Variants in SLC48A1 observed in about 807,000 individuals in gnomAD.
The protein encoded by SLC48A1 is solute carrier family 48 member 1, also known as heme transporter HRG1.
Under a neutral mutation model 14.8 loss-of-function variants are expected in SLC48A1, and 6 were observed. The ratio of observed to expected loss-of-function variants is 0.41; its 90% confidence interval spans 0.22 to 0.80. The LOEUF (loss-of-function observed/expected upper bound fraction) is 0.80. Among genes scored for constraint, SLC48A1 ranks in the 30% least tolerant of loss-of-function variants. The probability of loss-of-function intolerance (pLI) is 0.34; values close to 1 mark genes in which losing one functional copy is unlikely to be tolerated. For missense variants in SLC48A1, 165 were observed against 204.8 expected, an observed-to-expected ratio of 0.81 and a Z score of 1.19; for synonymous variants, 89 against 90.0, an observed-to-expected ratio of 0.99 and a Z score of 0.06.
chr12:47,779,147 A>G lies in SLC48A1; in HGVS notation c.256A>G (p.Ile86Val). The change falls in exon 2 of 3, where the codon ATC (isoleucine) becomes GTC (valine). Residue 86 changes from isoleucine (I) to valine (V), a missense_variant. Physicochemically the swap from Ile to Val is conservative, Grantham distance 29. Coordinates refer to ENST00000442218, the MANE Select transcript of SLC48A1 (RefSeq NM_017842.3). ...FVGVLFSAVS[I>V]AAFCTFLVLA... ...GGGCGTCCTCTTCTCGGCCGTCTCC[A>G]TCGCTGCCTTCTGCACCTTCCTCGT... The G allele has an allele frequency of 6.4e-7, 1 of 1,551,878 alleles. No individual in the cohort carries two copies. Among genetic ancestry groups the G allele is most frequent in the South Asian group, 1.2e-5 (1 of 84,058 alleles).
Position 47,780,557 on chromosome 12 carries a change from CTTTTTTTTTTCTTT to C in SLC48A1, c.*287_*300del. 1 of 560,146 alleles carries C rather than the reference CTTTTTTTTTTCTTT, an allele frequency of 1.8e-6. No individual in the cohort carries two copies. 34.7% of individuals were successfully genotyped at this position (560,146 alleles called of 1,614,324 possible). On this transcript the variant is annotated 3_prime_UTR_variant, in exon 3 of 3. Coordinates refer to ENST00000442218, the MANE Select transcript of SLC48A1 (RefSeq NM_017842.3). ...CAAATGAATCTGTTTTCTTTTCTTTCTTTTTTTTTTCTTTTTTTTTTTTTTTTGAGATGGAGTCT... is the reference window on the plus strand; with the variant it reads ...CAAATGAATCTGTTTTCTTTTCTTTCTTTTTTTTTTTTTGAGATGGAGTCT...
rs1404576800 is a variant in SLC48A1 at position 47,760,406 on chromosome 12, G to A, written c.-187+5G>A. On this transcript the variant is annotated splice_donor_5th_base_variant and intron_variant, in intron 2 of 4. Coordinates refer to the SLC48A1 transcript ENST00000547002. Reference sequence around the variant, plus strand: ...ATGACAAGTTGGGAGTCACAGGTATGCATGGGGAAGAGTTAGGGGGATGGA... The same window carrying A: ...ATGACAAGTTGGGAGTCACAGGTATACATGGGGAAGAGTTAGGGGGATGGA... The A allele has an allele frequency of 3.0e-6, 3 of 985,346 alleles. No individual in the cohort carries two copies. In the African/African-American group the frequency reaches 5.2e-5, roughly 17 times the overall value. The allele number at this position is 985,346 out of a possible 1,614,324, so 61.0% of individuals were successfully genotyped here. A position where few individuals can be genotyped will look rare whatever the true frequency, so the allele number is the denominator to read the frequency against.
rs1317013928 is a variant in SLC48A1, at chr12:47,782,519, G to GCAGCCAGGGA, written c.*2248_*2257dup. The GCAGCCAGGGA allele has an allele frequency of 6.6e-6, 1 of 152,134 alleles. No homozygotes were observed. Among genetic ancestry groups the GCAGCCAGGGA allele is most frequent in the African/African-American group, 2.4e-5 (1 of 41,378 alleles). The allele number at this position is 152,134 out of a possible 1,614,324, so 9.4% of individuals were successfully genotyped here. A position where few individuals can be genotyped will look rare whatever the true frequency, so the allele number is the denominator to read the frequency against. On this transcript the variant is annotated 3_prime_UTR_variant, in exon 3 of 3. Transcript: ENST00000442218. ...CTCCTCTTTGTCACCCCAAAGTGGG[G>GCAGCCAGGGA]CAGCCAGGGACAGCCAGGGTGTGTT...
In SLC48A1 at chr12:47,774,627, A is replaced by G. The variant is rs1325431635; in HGVS notation, c.136+1187A>G. Among the ~76,000 whole-genome samples the G allele has an allele frequency of 3.9e-5, 6 of 152,224 alleles. No homozygotes were observed. In the East Asian group the frequency reaches 1.2e-3, roughly 29 times the overall value. ...ACTGCCACAGGGAGTGCTGAGTGCC[A>G]TCCCTGGGTAGAGTCGCAGCATGAG... On this transcript the variant is annotated intron_variant, in intron 1 of 2. Transcript: ENST00000442218.
At chr12:47,768,253 A>C (rs755707004), upstream of SLC48A1, among the ~76,000 whole-genome samples, 4 of 152,230 alleles carry the variant, frequency 2.6e-5, no homozygotes, top group Non-Finnish European at 5.9e-5. Context: ...CTGGGATTAC[A>C]GCCGTGAACC....
At chr12:47,778,114 T>G (rs530491853) in intron 1 of SLC48A1, among the ~76,000 whole-genome samples, 1 of 152,116 alleles carries the variant, frequency 6.6e-6, no homozygotes, top group Admixed American at 6.5e-5. Context: ...GCCAATGGAG[T>G]TGATATTTGT....
At chr12:47,772,978 C>A (rs548329425), upstream of SLC48A1, among the ~76,000 whole-genome samples, 1 of 152,086 alleles carries the variant, frequency 6.6e-6, no homozygotes, top group Non-Finnish European at 1.5e-5. Flanking sequence ...GCGGTTCGCT[C>A]GTATAAAGGC....
intron 2 of SLC48A1, among the ~76,000 whole-genome samples, chr12:47,761,868 T>C (rs1942388549): frequency 6.6e-6 from 1 of 152,146 alleles, no homozygotes; most frequent in Admixed American, 6.5e-5. Flanking sequence ...ATTTTTGTTA[T>C]TCCATTTTAC....
intron 2 of SLC48A1, among the ~76,000 whole-genome samples, chr12:47,763,915 C>T (rs1318534660): frequency 1.3e-5 from 2 of 152,208 alleles, no homozygotes; most frequent in South Asian, 2.1e-4. Context: ...GCTAGCCATG[C>T]ATGGCGGAGA....
Position 47,780,309 on chromosome 12 carries a change from G to T in SLC48A1, c.*28G>T. The T allele has an allele frequency of 6.2e-7, 1 of 1,614,034 alleles. No individual in the cohort carries two copies. Among genetic ancestry groups the T allele is most frequent in the Non-Finnish European group, 8.5e-7 (1 of 1,179,926 alleles). On this transcript the variant is annotated 3_prime_UTR_variant, in exon 3 of 3. Coordinates refer to ENST00000442218, the MANE Select transcript of SLC48A1 (RefSeq NM_017842.3). Reference sequence around the variant, plus strand: ...CAGGGGGTGAGGTCTCTGCACCCTGGGGGGGCCTTAGGACCTGGACTCAGC... The same window carrying T: ...CAGGGGGTGAGGTCTCTGCACCCTGTGGGGGCCTTAGGACCTGGACTCAGC...
upstream of SLC48A1, among the ~76,000 whole-genome samples, chr12:47,766,820 G>A (rs927924028): frequency 6.6e-5 from 10 of 152,202 alleles, no homozygotes; most frequent in African/African-American, 2.4e-4. Flanking sequence ...CAAGAAGCCA[G>A]ACTCTGAGCA....
chr12:47,758,263 CG>C (rs1425094130), upstream of SLC48A1: 2 of 1,433,100 alleles, frequency 1.4e-6, no homozygotes. Flanking sequence ...GCCGGTCTGG[CG>C]CACTTAGGGG....
At chr12:47,770,182 G>C (rs1007569088), upstream of SLC48A1, among the ~76,000 whole-genome samples, 1 of 152,248 alleles carries the variant, frequency 6.6e-6, no homozygotes, top group South Asian at 2.1e-4. Flanking sequence ...CCTGGCCTTA[G>C]CCTTGTACAA....
chr12:47,757,991 G>A, upstream of SLC48A1: 1 of 1,572,332 alleles, frequency 6.4e-7, no homozygotes. Context: ...ACCACGTCAG[G>A]GAGGGCTCCC....
At chr12:47,756,995 A>C (rs1942106059), upstream of SLC48A1, among the ~76,000 whole-genome samples, 1 of 151,886 alleles carries the variant, frequency 6.6e-6, no homozygotes, top group Non-Finnish European at 1.5e-5. Context: ...GAAAAGAAAA[A>C]AGAAATGAAC....
At chr12:47,768,902 A>G (rs1001253606), upstream of SLC48A1, 1 of 152,248 alleles carries the variant, frequency 6.6e-6, no homozygotes, top group Non-Finnish European at 1.5e-5. Context: ...TAGCTGTAAC[A>G]AGCAACTGAG....
chr12:47,758,571 T>TCGCACAGC, upstream of SLC48A1: 1 of 1,613,882 alleles, frequency 6.2e-7, no homozygotes, highest in Non-Finnish European at 8.5e-7. Flanking sequence ...CTTTTCAAGC[T>TCGCACAGC]CGCACAGCCG....
chr12:47,771,137 T>TTA (rs1942622372), upstream of SLC48A1: 1 of 294,636 alleles, frequency 3.4e-6, no homozygotes, highest in African/African-American at 2.2e-5. Flanking sequence ...CTGGGTTTAT[T>TTA]TTTTTATTTT....
chr12:47,782,698 T>A lies in SLC48A1; in HGVS notation c.*2417T>A, dbSNP rs1334572998. On this transcript the variant is annotated 3_prime_UTR_variant, in exon 3 of 3. Transcript: ENST00000442218. ...CCCGCTTGACGGCGCACTGCTCACT[T>A]CTGGGGGGCCCTTTCAGAGGCACTT... The A allele has an allele frequency of 6.6e-6, 1 of 152,268 alleles. No homozygotes were observed. Among genetic ancestry groups the A allele is most frequent in the East Asian group, 1.9e-4 (1 of 5,198 alleles). 9.4% of individuals were successfully genotyped at this position (152,268 alleles called of 1,614,324 possible).
Sources: allele counts gnomAD v4.1 joint callset (sites outside exome capture counted in the v4.1 genomes callset), GRCh38; gene constraint gnomAD v4.1.1; transcripts MANE v1.5; gene names NCBI Gene and HGNC (gene_info 2026-07-23, HGNC 2026-07-21).